UNG: variants seen among roughly 807,000 people sequenced by gnomAD.
The protein encoded by UNG is uracil-DNA glycosylase.
UNG carries 34 observed loss-of-function variants against 36.5 expected under a neutral mutation model. That is an observed-to-expected ratio of 0.93 (90% CI 0.71 to 1.24). UNG has a LOEUF of 1.24. Ranked by LOEUF, UNG falls within the 50% of genes most tolerant of loss-of-function variation. The pLI is 0.00. For missense variants in UNG, 391 were observed against 397.6 expected (o/e 0.98, Z 0.14); for synonymous variants, 172 against 157.8 (o/e 1.09, Z -0.67).
chr12:109,097,767 G>C lies in UNG; in HGVS notation c.88G>C (p.Gly30Arg). Residue 30 changes from glycine (G) to arginine (R), a missense_variant, in exon 1 of 7, where the codon GGG (glycine) becomes CGG (arginine). By Grantham distance (125) the Gly-to-Arg change is moderately radical. Coordinates refer to ENST00000242576, the MANE Select transcript of UNG (RefSeq NM_080911.3). ...CCCCAGCCCCGAGCCGGCCGTCCAGGGGACCGGCGTGGCTGGGGTGCCTGA... is the reference window on the plus strand; with the variant it reads ...CCCCAGCCCCGAGCCGGCCGTCCAGCGGACCGGCGTGGCTGGGGTGCCTGA... Reference protein sequence around the residue: ...HAPSPEPAVQGTGVAGVPEES... With the variant: ...HAPSPEPAVQRTGVAGVPEES... The C allele has an allele frequency of 6.4e-7, 1 of 1,566,890 alleles. No homozygotes were observed. Among genetic ancestry groups the C allele is most frequent in the Non-Finnish European group, 8.7e-7 (1 of 1,155,630 alleles).
chr12:109,101,677 A>G (rs2042178138), intron 3 of UNG, among the ~76,000 whole-genome samples: 1 of 152,196 alleles, frequency 6.6e-6, no homozygotes, highest in African/African-American at 2.4e-5. Flanking sequence ...ACCACTGCAC[A>G]TCAGCCTGAG....
chr12:109,103,699 G>T (rs767000596), intron 6 of UNG, 88 bp downstream of exon 6: 2 of 1,401,886 alleles, frequency 1.4e-6, no homozygotes, highest in Non-Finnish European at 9.7e-7. Flanking sequence ...GCTGTGTTTG[G>T]TCCTGGAAAA....
At position 109,110,805 on chromosome 12, in the gene UNG, GTT is replaced by G. The variant is rs1157500533; in HGVS notation, c.*839_*840del. On this transcript the variant is annotated 3_prime_UTR_variant, in exon 7 of 7. Transcript: ENST00000242576. ...ATATTTTTTCCTGCAACACTGGAAA[GTT>G]TTAGTTTTTTAAGAAGTACTCATGC... 6.6e-6 allele frequency: 1 copy of G among 151,926 alleles called. No individual in the cohort carries two copies. Among genetic ancestry groups the G allele is most frequent in the Admixed American group, 6.6e-5 (1 of 15,242 alleles). The allele number at this position is 151,926 out of a possible 1,614,324, so 9.4% of individuals were successfully genotyped here. A position where few individuals can be genotyped will look rare whatever the true frequency, so the allele number is the denominator to read the frequency against.
At chr12:109,105,330 T>C (rs906795366) in intron 6 of UNG, 6 of 152,242 alleles carry the variant, frequency 3.9e-5, no homozygotes, top group African/African-American at 1.4e-4. Context: ...GATGTGATCA[T>C]CTAGGTATGT....
At chr12:109,099,327 C>A in intron 3 of UNG, 43 bp downstream of exon 3, 1 of 1,530,318 alleles carries the variant, frequency 6.5e-7, no homozygotes, top group South Asian at 1.1e-5. Flanking sequence ...GAGAAGGAGT[C>A]AAATAGTATT....
chr12:109,109,891 T>G lies in UNG; in HGVS notation c.864T>G (p.Phe288Leu). The stretch of plus-strand genomic sequence containing the variant: ...CTTTGTCAGTGTATAGAGGGTTCTT[T>G]GGATGTAGACACTTTTCAAAGACCA... The part of the protein sequence containing the change: ...PSPLSVYRGF[F>L]GCRHFSKTNE... The change falls in exon 7 of 7, where the codon TTT becomes TTG. Residue 288 changes from phenylalanine (F) to leucine (L), a missense_variant. Phe to Leu is a conservative substitution (Grantham distance 22). Coordinates refer to ENST00000242576, the MANE Select transcript of UNG (RefSeq NM_080911.3). The G allele has an allele frequency of 6.2e-7, 1 of 1,614,152 alleles. No individual in the cohort carries two copies. The highest frequency in any genetic ancestry group is 1.1e-5 in the South Asian group (1 of 91,072).
chr12:109,105,066 C>T (rs1039770772), intron 6 of UNG: 1 of 152,106 alleles, frequency 6.6e-6, no homozygotes, highest in African/African-American at 2.4e-5. Context: ...TTGCCTGCCA[C>T]CACACCCAGC....
At chr12:109,104,359 A>G (rs1274733250) in intron 6 of UNG, among the ~76,000 whole-genome samples, 1 of 152,012 alleles carries the variant, frequency 6.6e-6, no homozygotes, top group Non-Finnish European at 1.5e-5. Flanking sequence ...ATCGGTGATC[A>G]TTATTAACCC....
intron 3 of UNG, among the ~76,000 whole-genome samples, chr12:109,100,588 G>T (rs1246807117): frequency 6.6e-6 from 1 of 152,154 alleles, no homozygotes; most frequent in Non-Finnish European, 1.5e-5. Flanking sequence ...CTTCTTGTTT[G>T]AATGCCCTAT....
intron 6 of UNG, among the ~76,000 whole-genome samples, chr12:109,108,180 G>A (rs968850942): frequency 6.6e-6 from 1 of 152,186 alleles, no homozygotes; most frequent in African/African-American, 2.4e-5. Context: ...CTAGGTTTTA[G>A]CTGACATAAG....
At chr12:109,101,842 C>A in intron 3 of UNG, 60 bp from the exon 4 acceptor site, 1 of 1,405,250 alleles carries the variant, frequency 7.1e-7, no homozygotes, top group Non-Finnish European at 1.0e-6. Flanking sequence ...TTGTTTGAGG[C>A]AGGGTCTGTG....
chr12:109,110,836 T>TAC lies in UNG; in HGVS notation c.*868_*869insCA, dbSNP rs1456922858. The TAC allele has an allele frequency of 6.6e-6, 1 of 151,410 alleles. No individual in the cohort carries two copies. Among genetic ancestry groups the TAC allele is most frequent in the African/African-American group, 2.4e-5 (1 of 41,310 alleles). The allele number at this position is 151,410 out of a possible 1,614,324, so 9.4% of individuals were successfully genotyped here. A position where few individuals can be genotyped will look rare whatever the true frequency, so the allele number is the denominator to read the frequency against. Reference sequence around the variant, plus strand: ...GTTTTTTAAGAAGTACTCATGCAGATATATATATATATATTTTTCCCAGTC... The same window carrying TAC: ...GTTTTTTAAGAAGTACTCATGCAGATACATATATATATATATTTTTCCCAGTC... On this transcript the variant is annotated 3_prime_UTR_variant, in exon 7 of 7. Transcript: ENST00000242576.
At position 109,102,750 on chromosome 12, in the gene UNG, A is replaced by G. The variant is rs3219233; in HGVS notation, c.534-89A>G. 6.4e-4 allele frequency: 714 copies of G among 1,112,612 alleles called. 3 individuals are homozygous for G. The African/African-American group carries it at 0.01, about 16-fold the overall frequency. 68.9% of individuals were successfully genotyped at this position (1,112,612 alleles called of 1,614,324 possible). ...CTTCCAAGGGCTGGCTGTAACTTCT[A>G]ACCTTTTCACATATGTCTTAGACGT... On this transcript the variant is annotated intron_variant, in intron 4 of 6. Coordinates refer to ENST00000242576, the MANE Select transcript of UNG (RefSeq NM_080911.3).
rs550595158 is a variant in UNG, at chr12:109,110,495, T to C, written c.*526T>C. 6.1e-6 allele frequency: 1 copy of C among 165,052 alleles called. No individual in the cohort carries two copies. Among genetic ancestry groups the C allele is most frequent in the African/African-American group, 2.4e-5 (1 of 41,738 alleles). The allele number at this position is 165,052 out of a possible 1,614,324, so 10.2% of individuals were successfully genotyped here. A position where few individuals can be genotyped will look rare whatever the true frequency, so the allele number is the denominator to read the frequency against. ...GCAGCATAAGGATGTTTTGCAACTTTCCAGAATCTGGCCCAGAAATTAGGG... is the reference window on the plus strand; with the variant it reads ...GCAGCATAAGGATGTTTTGCAACTTCCCAGAATCTGGCCCAGAAATTAGGG... On this transcript the variant is annotated 3_prime_UTR_variant, in exon 7 of 7. Coordinates refer to ENST00000242576, the MANE Select transcript of UNG (RefSeq NM_080911.3).
chr12:109,107,820 C>CA (rs2042229456), intron 6 of UNG, among the ~76,000 whole-genome samples: 1 of 152,064 alleles, frequency 6.6e-6, no homozygotes, highest in African/African-American at 2.4e-5. Context: ...CCACCACGCC[C>CA]GGCCAACTAT....
intron 6 of UNG, among the ~76,000 whole-genome samples, chr12:109,108,885 GC>G (rs937837790): frequency 2.6e-5 from 4 of 152,112 alleles, no homozygotes; most frequent in African/African-American, 9.7e-5. Context: ...TCCTACCTTG[GC>G]CTCCCAAAGC....
intron 1 of UNG, chr12:109,098,095 CCA>C (rs1041453288): frequency 7.2e-7 from 1 of 1,384,260 alleles, no homozygotes; most frequent in Non-Finnish European, 9.3e-7. Context: ...GGGGCGGGAC[CCA>C]GAGGGAGGTT....
At position 109,097,632 on chromosome 12, in the gene UNG, C is replaced by G; in HGVS notation, c.-48C>G. 1 of 1,589,530 alleles carries G rather than the reference C, an allele frequency of 6.3e-7. No homozygotes were observed. ...CGCCACAGCCACAGCCAGGGCTAGC[C>G]TCGCCGGTTCCCGGGTGGCGCGCGT... On this transcript the variant is annotated 5_prime_UTR_variant, in exon 1 of 7. Coordinates refer to ENST00000242576, the MANE Select transcript of UNG (RefSeq NM_080911.3).
intron 2 of UNG, among the ~76,000 whole-genome samples, chr12:109,098,867 T>G (rs1345927853): frequency 6.6e-6 from 1 of 152,112 alleles, no homozygotes; most frequent in Non-Finnish European, 1.5e-5. Flanking sequence ...TTCATTTAAG[T>G]CACATAGTCT....
Sources: gnomAD v4.1 joint callset for allele counts (sites outside exome capture counted in the v4.1 genomes callset) on GRCh38, gnomAD v4.1.1 for gene constraint, MANE v1.5 for transcripts, NCBI Gene and HGNC (gene_info 2026-07-23, HGNC 2026-07-21) for gene names.